GABRB3: variants seen among roughly 807,000 people sequenced by gnomAD.
GABRB3 encodes gamma-aminobutyric acid type A receptor subunit beta3.
Under a neutral mutation model 52.1 loss-of-function variants are expected in GABRB3, and 14 were observed. The ratio of observed to expected loss-of-function variants is 0.27; its 90% CI spans 0.18 to 0.42. The LOEUF (loss-of-function observed/expected upper bound fraction) is 0.42. Among genes scored for constraint, GABRB3 ranks in the 10% least tolerant of loss-of-function variants. The probability of loss-of-function intolerance (pLI) is 1.00; values close to 1 mark genes in which losing one functional copy is unlikely to be tolerated. For synonymous variants in GABRB3, 260 were observed against 232.3 expected (o/e 1.12, Z -1.08); for missense variants, 307 against 609.1 (o/e 0.50, Z 5.22).
chr15:26,652,533 G>T (rs1020015729), intron 3 of GABRB3, among the ~76,000 whole-genome samples: 1 of 152,014 alleles, frequency 6.6e-6, no homozygotes, highest in Non-Finnish European at 1.5e-5. Flanking sequence ...AACAGTTGGG[G>T]CCATAATTCC....
chr15:26,638,065 T>C (rs961910810), intron 3 of GABRB3, among the ~76,000 whole-genome samples: 1 of 152,226 alleles, frequency 6.6e-6, no homozygotes, highest in African/African-American at 2.4e-5. Context: ...ATGTGCATTA[T>C]AATTTATCTG....
intron 3 of GABRB3, among the ~76,000 whole-genome samples, chr15:26,695,805 C>G (rs1888721338): frequency 6.6e-6 from 1 of 152,106 alleles, no homozygotes; most frequent in African/African-American, 2.4e-5. Context: ...AGCAAAACAT[C>G]CTGGAAGTTC....
intron 4 of GABRB3, among the ~76,000 whole-genome samples, chr15:26,607,070 G>A (rs1315372255): frequency 6.6e-6 from 1 of 152,112 alleles, no homozygotes; most frequent in East Asian, 1.9e-4. Context: ...CAAACGCCGA[G>A]CTGTAACCAA....
chr15:26,711,161 G>A (rs534223692), intron 3 of GABRB3, among the ~76,000 whole-genome samples: 14 of 152,254 alleles, frequency 9.2e-5, no homozygotes, highest in Admixed American at 5.9e-4. Context: ...GATATCATTG[G>A]CCTATATTAA....
At chr15:26,568,617 C>T (rs1196277707) in intron 6 of GABRB3, among the ~76,000 whole-genome samples, 3 of 150,954 alleles carry the variant, frequency 2.0e-5, no homozygotes, top group African/African-American at 7.3e-5. Flanking sequence ...CTTGCCTCAG[C>T]CTCCCGAGTA....
intron 3 of GABRB3, among the ~76,000 whole-genome samples, chr15:26,731,831 C>A (rs1395619696): frequency 6.6e-6 from 1 of 152,204 alleles, no homozygotes; most frequent in African/African-American, 2.4e-5. Flanking sequence ...AACAAAACAA[C>A]CTTTACCTCT....
At chr15:26,561,807 T>C (rs902776392) in intron 7 of GABRB3, among the ~76,000 whole-genome samples, 9 of 152,342 alleles carry the variant, frequency 5.9e-5, no homozygotes, top group Admixed American at 1.3e-4. Flanking sequence ...GGGAAGATGA[T>C]CTCAGAGAGC....
chr15:26,608,668 C>T (rs1353708981), intron 4 of GABRB3, among the ~76,000 whole-genome samples: 1 of 152,084 alleles, frequency 6.6e-6, no homozygotes, highest in Non-Finnish European at 1.5e-5. Flanking sequence ...CAAAAGAAGA[C>T]ATGCAAATGG....
At chr15:26,649,923 G>C (rs1391553867) in intron 3 of GABRB3, among the ~76,000 whole-genome samples, 1 of 152,082 alleles carries the variant, frequency 6.6e-6, no homozygotes, top group Non-Finnish European at 1.5e-5. Flanking sequence ...TTATTAGTGA[G>C]ATAAAACAGT....
chr15:26,568,681 TTGG>T, intron 6 of GABRB3, among the ~76,000 whole-genome samples: 2 of 134,160 alleles, frequency 1.5e-5, no homozygotes, highest in African/African-American at 2.6e-5. Flanking sequence ...TTTTTTTTTT[TTGG>T]TTTTGTATGT....
chr15:26,758,722 TG>T (rs1244381240), intron 3 of GABRB3, among the ~76,000 whole-genome samples: 6 of 151,908 alleles, frequency 3.9e-5, no homozygotes, highest in African/African-American at 1.5e-4. Context: ...GCATTCCCCT[TG>T]TAAGCATCTG....
chr15:26,692,663 G>C (rs751732898), intron 3 of GABRB3, among the ~76,000 whole-genome samples: 21 of 152,084 alleles, frequency 1.4e-4, no homozygotes, highest in Non-Finnish European at 2.9e-4. Context: ...TAGCTGATAA[G>C]GATACATGCA....
At chr15:26,705,659 T>C (rs989165203) in intron 3 of GABRB3, among the ~76,000 whole-genome samples, 1 of 152,182 alleles carries the variant, frequency 6.6e-6, no homozygotes, top group Non-Finnish European at 1.5e-5. Context: ...TATACAATTA[T>C]ATGTATAGAA....
chr15:26,711,568 AC>A (rs1889297051), intron 3 of GABRB3, among the ~76,000 whole-genome samples: 1 of 152,082 alleles, frequency 6.6e-6, no homozygotes, highest in African/African-American at 2.4e-5. Context: ...ATTTGTCAAC[AC>A]TACCTCCCCC....
At chr15:26,718,258 G>A (rs1178042169) in intron 3 of GABRB3, among the ~76,000 whole-genome samples, 1 of 151,932 alleles carries the variant, frequency 6.6e-6, no homozygotes, top group Non-Finnish European at 1.5e-5. Flanking sequence ...ACCCAGGCTG[G>A]AGTGCAATGG....
At chr15:26,557,676 C>T (rs1308267447) in intron 8 of GABRB3, 2 of 152,092 alleles carry the variant, frequency 1.3e-5, no homozygotes, top group African/African-American at 4.8e-5. Flanking sequence ...CATAATCATA[C>T]GTTGACTTCA....
chr15:26,729,501 G>A (rs909221136), intron 3 of GABRB3, among the ~76,000 whole-genome samples: 1 of 152,156 alleles, frequency 6.6e-6, no homozygotes, highest in African/African-American at 2.4e-5. Flanking sequence ...TAGCCTTTTA[G>A]GAGGCCTGCA....
chr15:26,682,003 A>G (rs1260071441), intron 3 of GABRB3, among the ~76,000 whole-genome samples: 1 of 151,990 alleles, frequency 6.6e-6, no homozygotes, highest in Non-Finnish European at 1.5e-5. Flanking sequence ...ATTGCTAACT[A>G]CTTGCTTCTG....
At chr15:26,668,738 A>C (rs568931622) in intron 3 of GABRB3, among the ~76,000 whole-genome samples, 2 of 152,238 alleles carry the variant, frequency 1.3e-5, no homozygotes, top group Non-Finnish European at 2.9e-5. Flanking sequence ...TTGTATGACT[A>C]TAACATCTGA....
Sources: gnomAD v4.1 joint callset for allele counts (sites outside exome capture counted in the v4.1 genomes callset) on GRCh38, gnomAD v4.1.1 for gene constraint, MANE v1.5 for transcripts, NCBI Gene and HGNC (gene_info 2026-07-23, HGNC 2026-07-21) for gene names.